KLHL5: variants seen among roughly 807,000 people sequenced by gnomAD.
KLHL5 encodes the protein kelch-like protein 5.
Under a neutral mutation model 77.7 loss-of-function variants are expected in KLHL5, and 48 were observed. The ratio of observed to expected loss-of-function variants is 0.62; its 90% CI spans 0.49 to 0.79. The LOEUF is 0.79. Among genes scored for constraint, KLHL5 ranks in the 30% least tolerant of loss-of-function variants. The pLI is 0.00. For missense variants in KLHL5, 723 were observed against 859.7 expected (o/e 0.84, Z 1.99); for synonymous variants, 260 against 297.0 (o/e 0.88, Z 1.28).
At chr4:39,078,522 C>G (rs1384066021) in intron 2 of KLHL5, among the ~76,000 whole-genome samples, 1 of 152,094 alleles carries the variant, frequency 6.6e-6, no homozygotes, top group African/African-American at 2.4e-5. Context: ...TGGCAAAGCC[C>G]CATCTCTACT....
chr4:39,114,685 A>C (rs1184065219), intron 9 of KLHL5, among the ~76,000 whole-genome samples: 1 of 152,228 alleles, frequency 6.6e-6, no homozygotes, highest in African/African-American at 2.4e-5. Context: ...TACTACACTC[A>C]GTGGAAAGCT....
intron 10 of KLHL5, among the ~76,000 whole-genome samples, chr4:39,118,897 G>A (rs1723033445): frequency 1.3e-5 from 2 of 152,172 alleles, no homozygotes; most frequent in Admixed American, 1.3e-4. Context: ...GACTTAGATT[G>A]TGTGGGCTTT....
At chr4:39,053,359 AT>A (rs2109255554) in intron 1 of KLHL5, among the ~76,000 whole-genome samples, 1 of 152,230 alleles carries the variant, frequency 6.6e-6, no homozygotes, top group South Asian at 2.1e-4. Flanking sequence ...CTGATTCATT[AT>A]TTTTCAGAAA....
In KLHL5 at chr4:39,121,235, C is replaced by T; in HGVS notation, c.*169C>T. ...AACAAGGGAGGAAGCAGTGGATGGA[C>T]CAGGATTAATTCCTTTCATTTCTTA... On this transcript the variant is annotated 3_prime_UTR_variant, in exon 11 of 11. Transcript: ENST00000504108. 1 of 616,382 alleles carries T rather than the reference C, an allele frequency of 1.6e-6. No homozygotes were observed. Among genetic ancestry groups the T allele is most frequent in the South Asian group, 2.0e-5 (1 of 50,452 alleles). 38.2% of individuals were successfully genotyped at this position (616,382 alleles called of 1,614,324 possible). A position where few individuals can be genotyped will look rare whatever the true frequency, so the allele number is the denominator to read the frequency against.
At chr4:39,058,609 C>T (rs1717162914), upstream of KLHL5, among the ~76,000 whole-genome samples, 1 of 151,686 alleles carries the variant, frequency 6.6e-6, no homozygotes, top group African/African-American at 2.4e-5. Context: ...AGAGTGATAC[C>T]CTGTCTCAAA....
chr4:39,065,653 C>T (rs192414813), intron 1 of KLHL5, among the ~76,000 whole-genome samples: 24 of 152,150 alleles, frequency 1.6e-4, no homozygotes, highest in Admixed American at 1.5e-3. Context: ...CACACCTGGC[C>T]TCATCAATTT....
At chr4:39,069,527 T>A (rs1395581098) in intron 1 of KLHL5, among the ~76,000 whole-genome samples, 2 of 141,074 alleles carry the variant, frequency 1.4e-5, no homozygotes, top group Non-Finnish European at 3.1e-5. Context: ...ATTTTTATAC[T>A]TTTTTACCAT....
chr4:39,104,393 T>C (rs1419173847), intron 7 of KLHL5, among the ~76,000 whole-genome samples: 1 of 152,194 alleles, frequency 6.6e-6, no homozygotes, highest in Non-Finnish European at 1.5e-5. Context: ...TGAATGAGAC[T>C]TAGAAATTTG....
Position 39,081,520 on chromosome 4 carries a change from C to T in KLHL5, c.703+281C>T, listed in dbSNP as rs1719614059. Reference sequence around the variant, plus strand: ...TTGCATTTAAAATTTGAGAGTTGGCCAGGTGCAGTGGCTTATGCCTGTAAA... The same window carrying T: ...TTGCATTTAAAATTTGAGAGTTGGCTAGGTGCAGTGGCTTATGCCTGTAAA... On this transcript the variant is annotated intron_variant, in intron 3 of 10. Coordinates refer to ENST00000504108, the MANE Select transcript of KLHL5 (RefSeq NM_015990.5). The surrounding 1 kb of genome is among the most constrained non-coding windows in gnomAD (Gnocchi z 4.3). 6.6e-6 allele frequency among the ~76,000 whole-genome samples: 1 copy of T among 151,838 alleles called. No homozygotes were observed. Among genetic ancestry groups the T allele is most frequent in the Non-Finnish European group, 1.5e-5 (1 of 68,014 alleles).
chr4:39,094,680 A>C (rs1720896011), intron 5 of KLHL5, among the ~76,000 whole-genome samples: 1 of 151,768 alleles, frequency 6.6e-6, no homozygotes, highest in Non-Finnish European at 1.5e-5. Context: ...ATAAAGAATA[A>C]AAAAAAACAA....
chr4:39,093,105 C>T, intron 5 of KLHL5: 1 of 455,942 alleles, frequency 2.2e-6, no homozygotes. Context: ...ACCTAAGAAG[C>T]ATCCATCAAC....
At chr4:39,101,887 CACACACACATAT>C (rs1378017480) in intron 6 of KLHL5, among the ~76,000 whole-genome samples, 20 of 144,300 alleles carry the variant, frequency 1.4e-4, no homozygotes, top group African/African-American at 4.8e-4. Context: ...TACACACACA[CACACACACATAT>C]ACACACACAC....
At chr4:39,096,172 A>C (rs1390713804) in intron 5 of KLHL5, among the ~76,000 whole-genome samples, 1 of 152,096 alleles carries the variant, frequency 6.6e-6, no homozygotes, top group East Asian at 1.9e-4. Context: ...AGCTGGATTC[A>C]GTGACACAAA....
the KLHL5 span, among the ~76,000 whole-genome samples, chr4:39,136,005 C>CGTGTGTGT: frequency 6.8e-3 from 1,000 of 145,992 alleles, 13 homozygotes; most frequent in African/African-American, 0.018. Flanking sequence ...CATTCTAACA[C>CGTGTGTGT]GTGTGTGTGT....
At chr4:39,104,988 C>A (rs1411897669) in intron 7 of KLHL5, among the ~76,000 whole-genome samples, 1 of 152,104 alleles carries the variant, frequency 6.6e-6, no homozygotes, top group Non-Finnish European at 1.5e-5. Flanking sequence ...TGGTCTCGAT[C>A]TCTTGACCTC....
At chr4:39,044,992 G>A (rs1442981953), upstream of KLHL5, 3 of 990,542 alleles carry the variant, frequency 3.0e-6, no homozygotes, top group Admixed American at 6.2e-5. Context: ...GCGAGGGGCC[G>A]AGCATCCCAC....
intron 5 of KLHL5, among the ~76,000 whole-genome samples, chr4:39,087,321 G>C (rs1269161710): frequency 6.6e-6 from 1 of 152,120 alleles, no homozygotes; most frequent in African/African-American, 2.4e-5. Context: ...AGGAGCACTG[G>C]ACTCTTGAAA....
At chr4:39,112,233 A>G (rs1722499576) in intron 8 of KLHL5, among the ~76,000 whole-genome samples, 1 of 152,200 alleles carries the variant, frequency 6.6e-6, no homozygotes. Context: ...TTGATAATGA[A>G]TTTAAATTGA....
the KLHL5 span, among the ~76,000 whole-genome samples, chr4:39,141,304 C>CTTTTTTTTTTTTTTTT: frequency 1.3e-5 from 1 of 75,626 alleles, no homozygotes; most frequent in African/African-American, 4.9e-5. Context: ...ATTTTTTAGT[C>CTTTTTTTTTTTTTTTT]TTTTTTTTTT....
Sources: allele counts gnomAD v4.1 joint callset (sites outside exome capture counted in the v4.1 genomes callset), GRCh38; gene constraint gnomAD v4.1.1; non-coding constraint Gnocchi (gnomAD v3.1); transcripts MANE v1.5; gene names NCBI Gene and HGNC (gene_info 2026-07-23, HGNC 2026-07-21).